Variants in NUP58 observed in about 807,000 individuals in gnomAD.
NUP58 encodes the protein nucleoporin 58.
A neutral mutation model predicts 70.1 loss-of-function variants in NUP58; 17 were observed. That is an observed-to-expected ratio of 0.24 (90% CI 0.17 to 0.36). The LOEUF is 0.36. Ranked by LOEUF, NUP58 falls within the 10% of genes least tolerant of loss-of-function variation. The pLI, the probability that NUP58 is intolerant of heterozygous loss-of-function variation, is 1.00. For missense variants in NUP58, 644 were observed against 701.5 expected (o/e 0.92, Z 0.93); for synonymous variants, 275 against 257.6 (o/e 1.07, Z -0.65).
intron 12 of NUP58, among the ~76,000 whole-genome samples, chr13:25,330,958 A>C (rs2031582007): frequency 6.6e-6 from 1 of 152,080 alleles, no homozygotes; most frequent in South Asian, 2.1e-4. Context: ...TGTTTTAATC[A>C]AAAGGCTATG....
intron 3 of NUP58, among the ~76,000 whole-genome samples, chr13:25,347,861 A>G (rs2032068378): frequency 6.6e-6 from 1 of 152,212 alleles, no homozygotes; most frequent in South Asian, 2.1e-4. Flanking sequence ...AACTTAAAAA[A>G]CAATAATGTG....
At chr13:25,309,160 G>T (rs771635126) in intron 2 of NUP58, 87 bp from the exon 3 acceptor site, 3 of 964,306 alleles carry the variant, frequency 3.1e-6, no homozygotes, top group Non-Finnish European at 5.0e-6. Flanking sequence ...CCCTGAGGGT[G>T]ATTTTAAGTC....
intron 13 of NUP58, chr13:25,333,177 A>AT (rs2031669433): frequency 1.0e-6 from 1 of 985,136 alleles, no homozygotes; most frequent in Non-Finnish European, 1.2e-6. Flanking sequence ...ATTTTGAGAA[A>AT]TTCATAGGTT....
rs771065021 is a variant in NUP58 at position 25,331,370 on chromosome 13, A to T, written c.1247A>T (p.Gln416Leu). The change falls in exon 13 of 16, where the codon CAG becomes CTG. Residue 416 changes from glutamine to leucine, a missense_variant. Gln to Leu is a moderately radical substitution (Grantham distance 113, BLOSUM62 -2). Transcript: ENST00000381736. ...TTATTCTTTTAGGTTCTGAAAGAAC[A>T]GTACCTTGGCTACAGGAAAATGTTC... ...IHENVKVLKEQYLGYRKMFLG... is the reference protein window; with the variant it reads ...IHENVKVLKELYLGYRKMFLG... 1 of 1,614,118 alleles carries T rather than the reference A, an allele frequency of 6.2e-7. No homozygotes were observed. Among genetic ancestry groups the T allele is most frequent in the South Asian group, 1.1e-5 (1 of 91,086 alleles).
At chr13:25,331,934 T>A (rs2031622203) in intron 13 of NUP58, 1 of 1,067,416 alleles carries the variant, frequency 9.4e-7, no homozygotes, top group Non-Finnish European at 1.1e-6. Flanking sequence ...TTCTTTGAAT[T>A]TTTCATATAT....
At chr13:25,310,519 CTTTTTTTTT>C (rs34548230) in intron 3 of NUP58, among the ~76,000 whole-genome samples, 19 of 53,586 alleles carry the variant, frequency 3.5e-4, no homozygotes, top group African/African-American at 1.2e-3. Flanking sequence ...TGTGCCTGGC[CTTTTTTTTT>C]TTTTTTTTTT....
chr13:25,301,831 G>T lies in NUP58; in HGVS notation c.58G>T (p.Gly20Cys), dbSNP rs781379046. 1.9e-6 allele frequency: 3 copies of T among 1,613,558 alleles called. No individual in the cohort carries two copies. The South Asian group carries it at 3.3e-5, about 18-fold the overall frequency. Residue 20 changes from glycine to cysteine, a missense_variant, in exon 1 of 16, where the codon GGC becomes TGC. By Grantham distance (159) the Gly-to-Cys change is radical. Coordinates refer to ENST00000381736, the MANE Select transcript of NUP58 (RefSeq NM_014089.4). ...GTLGSTTVAAGGTSTGGVFSF... is the reference protein window; with the variant it reads ...GTLGSTTVAACGTSTGGVFSF... ...TCTGGGCTCCACCACCGTGGCCGCC[G>T]GCGGGACCAGCACAGGCGGCGTTTT...
chr13:25,324,526 T>C (rs2031315900), intron 9 of NUP58, among the ~76,000 whole-genome samples: 1 of 152,162 alleles, frequency 6.6e-6, no homozygotes, highest in Non-Finnish European at 1.5e-5. Flanking sequence ...AAGAGAAACA[T>C]TCCCTACATT....
intron 7 of NUP58, 140 bp from the exon 8 acceptor site, chr13:25,320,390 C>G (rs1209997712): frequency 3.5e-6 from 2 of 570,222 alleles, no homozygotes; most frequent in African/African-American, 4.0e-5. Context: ...TTATAAAGAG[C>G]TTTGAAATCA....
At chr13:25,332,293 A>G in intron 13 of NUP58, 1 of 985,430 alleles carries the variant, frequency 1.0e-6, no homozygotes, top group Non-Finnish European at 1.2e-6. Context: ...ACTTCTAATT[A>G]GAGAAACATT....
Position 25,315,683 on chromosome 13 carries a change from TGTCTGTCA to T in NUP58, c.685+219_685+226del, listed in dbSNP as rs1323572525. ...GTTCTTATCTAACATCAGAAGCATT[TGTCTGTCA>T]GTAACTCTTTTTAAATATTTTAATG... On this transcript the variant is annotated intron_variant, in intron 6 of 15. Coordinates refer to ENST00000381736, the MANE Select transcript of NUP58 (RefSeq NM_014089.4). 5.6e-4 allele frequency among the ~76,000 whole-genome samples: 7 copies of T among 12,492 alleles called. No individual in the cohort carries two copies. The Admixed American group carries it at 0.062, about 112-fold the overall frequency. 8.2% of individuals were successfully genotyped at this position (12,492 alleles called of 152,430 possible).
rs1479691385 is a variant in NUP58, at chr13:25,332,978, A to G, written c.1435+1420A>G. On this transcript the variant is annotated intron_variant, in intron 13 of 15. Transcript: ENST00000381736. Reference sequence around the variant, plus strand: ...TTAATCCTAAAGTAGATAAGTGTAGATTTGGTTAAGTGTTCTTTAAACATA... The same window carrying G: ...TTAATCCTAAAGTAGATAAGTGTAGGTTTGGTTAAGTGTTCTTTAAACATA... 4.1e-6 allele frequency: 4 copies of G among 985,192 alleles called. No homozygotes were observed. The African/African-American group carries it at 5.2e-5, about 13-fold the overall frequency. The allele number at this position is 985,192 out of a possible 1,614,324, so 61.0% of individuals were successfully genotyped here.
At chr13:25,326,336 C>CTTTT (rs575333387) in intron 10 of NUP58, among the ~76,000 whole-genome samples, 1 of 142,102 alleles carries the variant, frequency 7.0e-6, no homozygotes, top group Non-Finnish European at 1.6e-5. Flanking sequence ...AAGATACCTT[C>CTTTT]TTTTTTTTTT....
In NUP58 at chr13:25,342,223, A is replaced by G. The variant is rs1285365621; in HGVS notation, c.*2089A>G. On this transcript the variant is annotated 3_prime_UTR_variant, in exon 16 of 16. Coordinates refer to ENST00000381736, the MANE Select transcript of NUP58 (RefSeq NM_014089.4). ...CTTTTTTTAAAAGACATTTCATTGT[A>G]CTGCAAAAATCTGAATATTTATATT... The G allele has an allele frequency of 6.6e-6, 1 of 152,630 alleles. No homozygotes were observed. Among genetic ancestry groups the G allele is most frequent in the Non-Finnish European group, 1.5e-5 (1 of 68,014 alleles). The allele number at this position is 152,630 out of a possible 1,614,324, so 9.5% of individuals were successfully genotyped here. A position where few individuals can be genotyped will look rare whatever the true frequency, so the allele number is the denominator to read the frequency against.
At position 25,316,274 on chromosome 13, in the gene NUP58, G is replaced by A. The variant is rs530087806; in HGVS notation, c.685+807G>A. On this transcript the variant is annotated intron_variant, in intron 6 of 15. Coordinates refer to ENST00000381736, the MANE Select transcript of NUP58 (RefSeq NM_014089.4). ...GCTAATCCAAATTCATTTTGAAAAT[G>A]TTTTCATTGTTTTTTGTGTTACTTT... Among the ~76,000 whole-genome samples, 12 of 152,172 alleles carry A rather than the reference G, an allele frequency of 7.9e-5. No homozygotes were observed. The South Asian group carries it at 2.5e-3, about 31-fold the overall frequency.
downstream of NUP58, among the ~76,000 whole-genome samples, chr13:25,344,763 T>C (rs1429331039): frequency 6.6e-6 from 1 of 152,210 alleles, no homozygotes; most frequent in Non-Finnish European, 1.5e-5. Context: ...TTACTAACCA[T>C]CTTGATTTGA....
At chr13:25,337,903 G>A (rs2031840684) in intron 14 of NUP58, among the ~76,000 whole-genome samples, 1 of 152,114 alleles carries the variant, frequency 6.6e-6, no homozygotes. Context: ...AACCAAAAAA[G>A]AATTTGAACT....
intron 9 of NUP58, among the ~76,000 whole-genome samples, chr13:25,322,698 G>C (rs905311275): frequency 1.1e-4 from 17 of 152,154 alleles, no homozygotes; most frequent in African/African-American, 4.1e-4. Flanking sequence ...TATGTATGCA[G>C]ATATTCCAGA....
At position 25,340,080 on chromosome 13, in the gene NUP58, A is replaced by G. The variant is rs778430120; in HGVS notation, c.1746A>G (p.Gly582=). ...NPASAGFGTG[G]QLLQLKKPPA... ...CCTCTGCAGGTTTTGGAACAGGAGG[A>G]CAACTCCTTCAGTTGAAGAAACCTC... Residue 582 remains glycine, a synonymous_variant, in exon 16 of 16, where the codon GGA becomes GGG. Coordinates refer to ENST00000381736, the MANE Select transcript of NUP58 (RefSeq NM_014089.4). The G allele has an allele frequency of 1.2e-6, 2 of 1,613,784 alleles. No individual in the cohort carries two copies. Among genetic ancestry groups the G allele is most frequent in the South Asian group, 1.1e-5 (1 of 90,996 alleles).
Sources: allele counts gnomAD v4.1 joint callset (sites outside exome capture counted in the v4.1 genomes callset), GRCh38; gene constraint gnomAD v4.1.1; transcripts MANE v1.5; gene names NCBI Gene and HGNC (gene_info 2026-07-23, HGNC 2026-07-21).